PRKG1: variants seen among roughly 807,000 people sequenced by gnomAD.
PRKG1 encodes protein kinase cGMP-dependent 1.
PRKG1 carries 35 observed loss-of-function variants against 88.1 expected under a neutral mutation model. That is an observed-to-expected ratio of 0.40 (90% CI 0.30 to 0.53). The LOEUF is 0.53. Among genes scored for constraint, PRKG1 ranks in the 20% least tolerant of loss-of-function variants. The pLI, the probability that PRKG1 is intolerant of heterozygous loss-of-function variation, is 0.59. For missense variants in PRKG1, 540 were observed against 839.8 expected (o/e 0.64, Z 4.41); for synonymous variants, 303 against 292.5 (o/e 1.04, Z -0.37).
chr10:52,137,297 G>T (rs769653377), intron 8 of PRKG1, among the ~76,000 whole-genome samples: 28 of 151,916 alleles, frequency 1.8e-4, no homozygotes, highest in Non-Finnish European at 3.4e-4. Context: ...CTAAATATTG[G>T]TTTTTTGTAG....
intron 7 of PRKG1, among the ~76,000 whole-genome samples, chr10:52,079,548 C>T (rs1429696387): frequency 6.6e-6 from 1 of 152,154 alleles, no homozygotes; most frequent in Non-Finnish European, 1.5e-5. Context: ...AAGTTCTTTC[C>T]TGTGTCCTTC....
At chr10:51,597,834 A>G (rs966969561) in intron 3 of PRKG1, among the ~76,000 whole-genome samples, 6 of 152,336 alleles carry the variant, frequency 3.9e-5, no homozygotes, top group African/African-American at 1.4e-4. Flanking sequence ...CAAAAGAATG[A>G]GATTTTATAG....
chr10:52,044,649 CCAAA>C (rs1222578792), intron 5 of PRKG1, among the ~76,000 whole-genome samples: 1 of 152,142 alleles, frequency 6.6e-6, no homozygotes, highest in Non-Finnish European at 1.5e-5. Flanking sequence ...CATGCACAAA[CCAAA>C]CACTTTTCCA....
chr10:51,447,915 G>A (rs1334648594), intron 2 of PRKG1, among the ~76,000 whole-genome samples: 8 of 151,952 alleles, frequency 5.3e-5, no homozygotes, highest in African/African-American at 1.9e-4. Flanking sequence ...ATTACAAATG[G>A]CTTCTCATTA....
intron 1 of PRKG1, among the ~76,000 whole-genome samples, chr10:51,037,822 T>G (rs545409321): frequency 6.6e-6 from 1 of 152,226 alleles, no homozygotes; most frequent in African/African-American, 2.4e-5. Flanking sequence ...GCCACAAGTA[T>G]TTCATAATTT....
intron 1 of PRKG1, among the ~76,000 whole-genome samples, chr10:51,048,215 C>T (rs1302552527): frequency 6.6e-6 from 1 of 151,888 alleles, no homozygotes; most frequent in Non-Finnish European, 1.5e-5. Flanking sequence ...TCCTATTTTC[C>T]TTTCTTCCTG....
At chr10:52,157,407 A>G (rs567045886) in intron 8 of PRKG1, among the ~76,000 whole-genome samples, 10 of 148,010 alleles carry the variant, frequency 6.8e-5, no homozygotes, top group Admixed American at 3.4e-4. Context: ...AGCAGTGGTA[A>G]TGCTGATCTC....
intron 2 of PRKG1, among the ~76,000 whole-genome samples, chr10:51,272,504 GT>G (rs77396027): frequency 0.1 from 14,650 of 146,658 alleles, 809 homozygotes; most frequent in East Asian, 0.18. Flanking sequence ...TTAAAGTTTT[GT>G]TTTTTTTTTT....
rs552441003 is a variant in PRKG1, at chr10:52,077,904, G to A, written c.935+15273G>A. 3.3e-5 allele frequency among the ~76,000 whole-genome samples: 5 copies of A among 152,138 alleles called. No homozygotes were observed. In the South Asian group the frequency reaches 6.2e-4, roughly 19 times the overall value. On this transcript the variant is annotated intron_variant, in intron 7 of 17. Transcript: ENST00000373980. ...GAACAAGTCAAGTAATGGATAACTC[G>A]AACCATGCAAGCAGGGATAGGCAAA...
chr10:51,661,254 C>G (rs72797336), intron 3 of PRKG1, among the ~76,000 whole-genome samples: 1,567 of 152,206 alleles, frequency 0.01, 17 homozygotes, highest in Middle Eastern at 0.017. Flanking sequence ...ATTTCCCCTA[C>G]TTACAGTTGA....
chr10:51,953,181 A>C (rs1843224758), intron 5 of PRKG1, among the ~76,000 whole-genome samples: 1 of 152,192 alleles, frequency 6.6e-6, no homozygotes. Context: ...GGATGTCACC[A>C]ATGGAAGATT....
Position 51,507,849 on chromosome 10 carries a change from G to A in PRKG1, c.592+40013G>A, listed in dbSNP as rs143875898. 4.3e-4 allele frequency among the ~76,000 whole-genome samples: 66 copies of A among 152,248 alleles called. 1 individual carries two copies. The East Asian group carries it at 0.011, about 25-fold the overall frequency. On this transcript the variant is annotated intron_variant, in intron 3 of 17. Transcript: ENST00000373980. ...ATTAAATGCTTTTGACAGTTTCCAT[G>A]TCTATAGCTTACAGTTTATTCTGCT...
intron 3 of PRKG1, among the ~76,000 whole-genome samples, chr10:51,649,020 TATAA>T (rs993069324): frequency 6.6e-6 from 1 of 152,044 alleles, no homozygotes; most frequent in Non-Finnish European, 1.5e-5. Context: ...ACCCCGTCTC[TATAA>T]ATAAATAAAT....
chr10:51,672,638 T>A (rs1031255018), intron 3 of PRKG1, among the ~76,000 whole-genome samples: 1 of 152,202 alleles, frequency 6.6e-6, no homozygotes, highest in Non-Finnish European at 1.5e-5. Context: ...TTTGATTGAA[T>A]TTAATTTGTG....
chr10:51,011,058 A>AT (rs1842988449), intron 1 of PRKG1, among the ~76,000 whole-genome samples: 1 of 152,164 alleles, frequency 6.6e-6, no homozygotes, highest in African/African-American at 2.4e-5. Context: ...CTAGCACATC[A>AT]TAACTAAAAA....
chr10:51,364,422 G>T (rs576085181), intron 2 of PRKG1, among the ~76,000 whole-genome samples: 1 of 152,036 alleles, frequency 6.6e-6, no homozygotes, highest in African/African-American at 2.4e-5. Flanking sequence ...TTCATGAAAT[G>T]AGATCTTTGC....
chr10:51,545,598 C>A (rs1468905000), intron 3 of PRKG1, among the ~76,000 whole-genome samples: 1 of 152,038 alleles, frequency 6.6e-6, no homozygotes, highest in African/African-American at 2.4e-5. Flanking sequence ...CAAAGTAATT[C>A]GTTTGAATCC....
chr10:51,099,209 A>G (rs971466949), intron 1 of PRKG1, among the ~76,000 whole-genome samples: 14 of 152,212 alleles, frequency 9.2e-5, no homozygotes, highest in African/African-American at 2.9e-4. Context: ...GCCTCATACC[A>G]ACATGAATCC....
intron 3 of PRKG1, among the ~76,000 whole-genome samples, chr10:51,678,618 G>A (rs1840769960): frequency 1.3e-5 from 2 of 152,146 alleles, no homozygotes; most frequent in African/African-American, 4.8e-5. Context: ...TTGCATTGTT[G>A]GATTGTTTAA....
Sources: gnomAD v4.1 joint callset for allele counts (sites outside exome capture counted in the v4.1 genomes callset) on GRCh38, gnomAD v4.1.1 for gene constraint, MANE v1.5 for transcripts, NCBI Gene and HGNC (gene_info 2026-07-23, HGNC 2026-07-21) for gene names.